Variants in LRCH1 observed in about 807,000 individuals in gnomAD.
LRCH1 encodes leucine-rich repeat and calponin homology domain-containing protein 1.
Under a neutral mutation model 94.9 loss-of-function variants are expected in LRCH1, and 23 were observed. The ratio of observed to expected loss-of-function variants is 0.24; its 90% CI spans 0.17 to 0.34. LRCH1 has a LOEUF of 0.34. Ranked by LOEUF, LRCH1 falls within the 10% of genes least tolerant of loss-of-function variation. LRCH1 has a pLI of 1.00. For missense variants in LRCH1, 790 were observed against 945.9 expected, an observed-to-expected ratio of 0.84 and a Z score of 2.16; for synonymous variants, 364 against 354.9, an observed-to-expected ratio of 1.03 and a Z score of -0.29.
At chr13:46,644,593 T>G (rs1039278066) in intron 1 of LRCH1, among the ~76,000 whole-genome samples, 1 of 152,244 alleles carries the variant, frequency 6.6e-6, no homozygotes, top group African/African-American at 2.4e-5. Flanking sequence ...GTATAGCCAG[T>G]GAAAGTGTCT....
rs765817912 is a variant in LRCH1 at position 46,553,676 on chromosome 13, C to G, written c.280C>G (p.His94Asp). 6.2e-7 allele frequency: 1 copy of G among 1,610,068 alleles called. No individual in the cohort carries two copies. Among genetic ancestry groups the G allele is most frequent in the Non-Finnish European group, 8.5e-7 (1 of 1,179,224 alleles). Residue 94 changes from histidine (H) to aspartate (D), a missense_variant, in exon 1 of 20, where the codon CAC becomes GAC. By Grantham distance (81) the His-to-Asp change is moderately conservative. Coordinates refer to ENST00000389797, the MANE Select transcript of LRCH1 (RefSeq NM_001164211.2). The part of the protein sequence containing the change: ...KEFPRTAAPG[H>D]DLSDTVQADL... ...ATTTCCCCGTACCGCAGCCCCCGGG[C>G]ACGACCTCTCGGACACGGTGCAGGC...
chr13:46,645,231 G>A (rs2051205648), intron 1 of LRCH1, among the ~76,000 whole-genome samples: 1 of 152,162 alleles, frequency 6.6e-6, no homozygotes, highest in Admixed American at 6.5e-5. Flanking sequence ...AGTAAGTGTA[G>A]CCCAGAATTG....
chr13:46,571,316 G>A (rs1347364849), intron 1 of LRCH1, among the ~76,000 whole-genome samples: 1 of 152,144 alleles, frequency 6.6e-6, no homozygotes, highest in African/African-American at 2.4e-5. Context: ...TTGATCAGCG[G>A]CGTGTTTCCA....
intron 11 of LRCH1, among the ~76,000 whole-genome samples, chr13:46,704,639 A>G (rs547886038): frequency 2.6e-5 from 4 of 152,228 alleles, no homozygotes; most frequent in Non-Finnish European, 5.9e-5. Context: ...TGCATATCAA[A>G]TTGCTTATGA....
intron 7 of LRCH1, among the ~76,000 whole-genome samples, chr13:46,691,264 G>A (rs1221486560): frequency 6.6e-6 from 1 of 152,192 alleles, no homozygotes; most frequent in Non-Finnish European, 1.5e-5. Context: ...CAGAATCATA[G>A]GTTTTCTGAA....
chr13:46,668,527 G>T (rs1204229509), intron 2 of LRCH1, among the ~76,000 whole-genome samples: 1 of 152,158 alleles, frequency 6.6e-6, no homozygotes, highest in Admixed American at 6.5e-5. Flanking sequence ...GTGAGTTGCA[G>T]CAAAATTATC....
In LRCH1 at chr13:46,700,934, G is replaced by C. The variant is rs550563762; in HGVS notation, c.1314-187G>C. On this transcript the variant is annotated intron_variant, in intron 10 of 19. Transcript: ENST00000389797. The stretch of plus-strand genomic sequence containing the variant: ...CAGCAGAGCTGGGCTTCCCCTACTC[G>C]GGCTCTTCCCACCGTGCTCTGCCAT... 1.1e-4 allele frequency among the ~76,000 whole-genome samples: 17 copies of C among 152,214 alleles called. No homozygotes were observed. The East Asian group carries it at 1.2e-3, about 10-fold the overall frequency.
chr13:46,553,235 C>T lies in LRCH1; in HGVS notation c.-162C>T, dbSNP rs969581663. 7.9e-6 allele frequency: 4 copies of T among 504,908 alleles called. No individual in the cohort carries two copies. Among genetic ancestry groups the T allele is most frequent in the Non-Finnish European group, 1.1e-5 (3 of 282,790 alleles). 31.3% of individuals were successfully genotyped at this position (504,908 alleles called of 1,614,324 possible). A position where few individuals can be genotyped will look rare whatever the true frequency, so the allele number is the denominator to read the frequency against. Reference sequence around the variant, plus strand: ...GAGCTGCCACGGCCGCCTCCCCGCCCGCCCCCCATTCTACGCGCCTGCCCA... The same window carrying T: ...GAGCTGCCACGGCCGCCTCCCCGCCTGCCCCCCATTCTACGCGCCTGCCCA... On this transcript the variant is annotated 5_prime_UTR_variant, in exon 1 of 20. Coordinates refer to ENST00000389797, the MANE Select transcript of LRCH1 (RefSeq NM_001164211.2).
At chr13:46,559,205 T>G (rs1177824991) in intron 1 of LRCH1, among the ~76,000 whole-genome samples, 1 of 152,246 alleles carries the variant, frequency 6.6e-6, no homozygotes, top group Non-Finnish European at 1.5e-5. Flanking sequence ...TATAATAAAA[T>G]TTTTGAAATC....
At chr13:46,688,316 A>G (rs1318084893) in intron 6 of LRCH1, among the ~76,000 whole-genome samples, 3 of 152,242 alleles carry the variant, frequency 2.0e-5, no homozygotes, top group Admixed American at 6.5e-5. Context: ...TTACTTATCA[A>G]AATAACTATA....
intron 1 of LRCH1, among the ~76,000 whole-genome samples, chr13:46,626,432 A>T (rs1444706629): frequency 6.6e-6 from 1 of 152,112 alleles, no homozygotes; most frequent in African/African-American, 2.4e-5. Flanking sequence ...GCCCCACCCT[A>T]ACTGATCAAT....
At position 46,657,500 on chromosome 13, in the gene LRCH1, C is replaced by CTTTTTTTTTT. The variant is rs67588975; in HGVS notation, c.452+7188_452+7197dup. ...TCATTTTTACTTTTTCTTTTCTTTT[C>CTTTTTTTTTT]TTTTTTTTTTTTTTTTTTTTTTTTT... On this transcript the variant is annotated intron_variant, in intron 2 of 19. Coordinates refer to ENST00000389797, the MANE Select transcript of LRCH1 (RefSeq NM_001164211.2). Among the ~76,000 whole-genome samples the CTTTTTTTTTT allele has an allele frequency of 1.6e-3, 18 of 11,390 alleles. 4 individuals are homozygous for CTTTTTTTTTT. The highest frequency in any genetic ancestry group is 3.2e-3 in the Admixed American group (2 of 618). 7.5% of individuals were successfully genotyped at this position (11,390 alleles called of 152,430 possible). A position where few individuals can be genotyped will look rare whatever the true frequency, so the allele number is the denominator to read the frequency against.
intron 1 of LRCH1, among the ~76,000 whole-genome samples, chr13:46,561,156 TG>T (rs1165883119): frequency 6.6e-6 from 1 of 152,276 alleles, no homozygotes; most frequent in Non-Finnish European, 1.5e-5. Flanking sequence ...ATATTTTGCT[TG>T]GTAAGAAATT....
At chr13:46,658,319 A>AT (rs770446407) in intron 2 of LRCH1, among the ~76,000 whole-genome samples, 11 of 151,804 alleles carry the variant, frequency 7.2e-5, no homozygotes, top group African/African-American at 1.7e-4. Flanking sequence ...ATTACCAGTG[A>AT]TTTTTTCTTT....
At chr13:46,678,776 C>T (rs985660137) in intron 3 of LRCH1, among the ~76,000 whole-genome samples, 4 of 152,182 alleles carry the variant, frequency 2.6e-5, no homozygotes, top group South Asian at 4.1e-4. Flanking sequence ...AAAAAAATCA[C>T]CTTATGATTA....
At chr13:46,635,709 G>T (rs1000131891) in intron 1 of LRCH1, among the ~76,000 whole-genome samples, 1 of 150,976 alleles carries the variant, frequency 6.6e-6, no homozygotes, top group Non-Finnish European at 1.5e-5. Flanking sequence ...CTGACCTCGT[G>T]ATCCACCTGC....
chr13:46,706,665 C>G (rs1871777579), intron 13 of LRCH1, among the ~76,000 whole-genome samples: 1 of 152,118 alleles, frequency 6.6e-6, no homozygotes, highest in African/African-American at 2.4e-5. Context: ...TCAAGCGATA[C>G]TTCCTCCTTA....
At position 46,743,495 on chromosome 13, in the gene LRCH1, A is replaced by G. The variant is rs1873768979; in HGVS notation, c.*1647A>G. ...GATGTACTGAATTACTTTTGGTGCT[A>G]TCTTGTACTCTTCAATCTGTAACAC... On this transcript the variant is annotated 3_prime_UTR_variant, in exon 20 of 20. Coordinates refer to ENST00000389797, the MANE Select transcript of LRCH1 (RefSeq NM_001164211.2). 6.1e-6 allele frequency: 6 copies of G among 985,748 alleles called. No homozygotes were observed. The highest frequency in any genetic ancestry group is 7.2e-6 in the Non-Finnish European group (6 of 829,938). 61.1% of individuals were successfully genotyped at this position (985,748 alleles called of 1,614,324 possible).
intron 7 of LRCH1, among the ~76,000 whole-genome samples, chr13:46,689,695 C>T (rs1593354430): frequency 7.0e-6 from 1 of 142,636 alleles, no homozygotes; most frequent in East Asian, 2.1e-4. Flanking sequence ...TGTTTGTTTT[C>T]CTCAGACTCT....
Sources: allele counts gnomAD v4.1 joint callset (sites outside exome capture counted in the v4.1 genomes callset), GRCh38; gene constraint gnomAD v4.1.1; transcripts MANE v1.5; gene names NCBI Gene and HGNC (gene_info 2026-07-23, HGNC 2026-07-21).